The following ARMH3 variants were observed in gnomAD, a reference collection of about 807,000 sequenced individuals.
ARMH3 encodes armadillo-like helical domain-containing protein 3.
In ARMH3, 60 loss-of-function variants were observed where a neutral mutation model predicts 99.1. The ratio of observed to expected loss-of-function variants is 0.61; its 90% CI spans 0.49 to 0.75. ARMH3 has a LOEUF of 0.75. ARMH3 is among the 30% of genes least tolerant of loss of function. ARMH3 has a pLI of 0.00. For synonymous variants in ARMH3, 285 were observed against 292.8 expected, an observed-to-expected ratio of 0.97 and a Z score of 0.27; for missense variants, 679 against 843.1, an observed-to-expected ratio of 0.81 and a Z score of 2.41.
chr10:101,950,811 G>C (rs1283871604), intron 22 of ARMH3, among the ~76,000 whole-genome samples: 1 of 152,150 alleles, frequency 6.6e-6, no homozygotes, highest in Non-Finnish European at 1.5e-5. Context: ...GCAGTAAATG[G>C]GGAGTCACCA....
At chr10:101,960,161 G>C (rs1845220808) in intron 20 of ARMH3, among the ~76,000 whole-genome samples, 1 of 151,936 alleles carries the variant, frequency 6.6e-6, no homozygotes, top group African/African-American at 2.4e-5. Context: ...TTGGGCGACA[G>C]AGCAAGACTC....
chr10:102,015,379 T>C (rs1178567103), intron 8 of ARMH3, among the ~76,000 whole-genome samples: 1 of 150,550 alleles, frequency 6.6e-6, no homozygotes, highest in Non-Finnish European at 1.5e-5. Flanking sequence ...GTAGACTGTT[T>C]AAGGTTTTGG....
At chr10:102,054,481 T>C (rs2067788274) in intron 1 of ARMH3, among the ~76,000 whole-genome samples, 1 of 152,090 alleles carries the variant, frequency 6.6e-6, no homozygotes, top group Non-Finnish European at 1.5e-5. Flanking sequence ...GAAATGGGTA[T>C]TCCCCCTTTA....
intron 1 of ARMH3, among the ~76,000 whole-genome samples, chr10:102,055,047 C>A (rs901954801): frequency 2.0e-5 from 3 of 150,142 alleles, no homozygotes; most frequent in African/African-American, 7.4e-5. Flanking sequence ...AAAGGCCGGG[C>A]GCGGTGGCTC....
chr10:101,983,766 C>T (rs919510769), intron 19 of ARMH3, among the ~76,000 whole-genome samples: 2 of 152,194 alleles, frequency 1.3e-5, no homozygotes, highest in Non-Finnish European at 2.9e-5. Flanking sequence ...CTATGTATCT[C>T]TTCATCTGAC....
At chr10:101,982,180 ACAC>A (rs1846265553) in intron 19 of ARMH3, among the ~76,000 whole-genome samples, 5 of 151,884 alleles carry the variant, frequency 3.3e-5, no homozygotes, top group Admixed American at 2.6e-4. Context: ...CAGGAGTTTG[ACAC>A]CAACCTAGTC....
chr10:101,989,930 C>G (rs1416410649), intron 19 of ARMH3, among the ~76,000 whole-genome samples: 1 of 152,204 alleles, frequency 6.6e-6, no homozygotes, highest in African/African-American at 2.4e-5. Context: ...TCAGAGACAA[C>G]TAAGTGGTCT....
intron 12 of ARMH3, 82 bp from the exon 13 acceptor site, chr10:102,009,531 T>C (rs1230707582): frequency 9.4e-6 from 11 of 1,173,588 alleles, no homozygotes; most frequent in Middle Eastern, 1.9e-4. Flanking sequence ...AAGATTGGAT[T>C]GCACCCCAGC....
intron 24 of ARMH3, among the ~76,000 whole-genome samples, chr10:101,873,450 G>A (rs763958856): frequency 1.3e-5 from 2 of 152,032 alleles, no homozygotes; most frequent in African/African-American, 2.4e-5. Flanking sequence ...AAAACCCAGC[G>A]TGGCAGTTTC....
intron 6 of ARMH3, among the ~76,000 whole-genome samples, chr10:102,024,001 C>T (rs545281665): frequency 3.9e-5 from 6 of 152,288 alleles, no homozygotes; most frequent in East Asian, 3.9e-4. Flanking sequence ...CACATGCATT[C>T]GCTTAACAGT....
chr10:101,849,636 T>C (rs923076345), intron 25 of ARMH3, 140 bp downstream of exon 25: 2 of 679,980 alleles, frequency 2.9e-6, no homozygotes, highest in Non-Finnish European at 2.6e-6. Flanking sequence ...CCTGGTACAA[T>C]GGGGGAGAGA....
intron 23 of ARMH3, chr10:101,889,776 A>G (rs45493403): frequency 0.052 from 18,212 of 347,042 alleles, 563 homozygotes; most frequent in Middle Eastern, 0.087. Flanking sequence ...TGAGTCCTTC[A>G]GATGAGAAAG....
At chr10:101,864,075 AAAAAC>A (rs1474834928) in intron 24 of ARMH3, among the ~76,000 whole-genome samples, 16 of 109,454 alleles carry the variant, frequency 1.5e-4, no homozygotes, top group African/African-American at 4.1e-4. Context: ...AAAAAAAAAA[AAAAAC>A]ACACACACAC....
chr10:101,947,298 A>G (rs1437082422), intron 22 of ARMH3, among the ~76,000 whole-genome samples: 2 of 152,206 alleles, frequency 1.3e-5, no homozygotes, highest in African/African-American at 4.8e-5. Flanking sequence ...AAAAAGGAGA[A>G]TAATAGCTTC....
At chr10:101,996,340 T>C (rs990237205) in intron 15 of ARMH3, among the ~76,000 whole-genome samples, 1 of 152,236 alleles carries the variant, frequency 6.6e-6, no homozygotes, top group East Asian at 1.9e-4. Context: ...TACCCTGACA[T>C]TGACCTGCTT....
intron 19 of ARMH3, among the ~76,000 whole-genome samples, chr10:101,977,165 T>C (rs1283238119): frequency 6.6e-6 from 1 of 152,212 alleles, no homozygotes; most frequent in East Asian, 1.9e-4. Context: ...CACAAAAGTT[T>C]CTACTGGACA....
intron 24 of ARMH3, among the ~76,000 whole-genome samples, chr10:101,883,933 T>C (rs1479183528): frequency 6.6e-6 from 1 of 151,844 alleles, no homozygotes; most frequent in Non-Finnish European, 1.5e-5. Context: ...GTCGAGGCTG[T>C]AGTAAATTAT....
At chr10:102,006,488 G>C in intron 14 of ARMH3, 52 bp downstream of exon 14, 1 of 1,558,554 alleles carries the variant, frequency 6.4e-7, no homozygotes. Context: ...TGCTCACTCT[G>C]AGAGATCTAA....
chr10:102,018,736 A>T (rs1369832744), intron 8 of ARMH3, among the ~76,000 whole-genome samples: 1 of 152,148 alleles, frequency 6.6e-6, no homozygotes, highest in African/African-American at 2.4e-5. Context: ...TGGGCAGATC[A>T]CTTGAGGTCA....
Sources: gnomAD v4.1 joint callset for allele counts (sites outside exome capture counted in the v4.1 genomes callset) on GRCh38, gnomAD v4.1.1 for gene constraint, MANE v1.5 for transcripts, NCBI Gene and HGNC (gene_info 2026-07-23, HGNC 2026-07-21) for gene names.